WRAP53: variants seen among roughly 807,000 people sequenced by gnomAD.
The protein encoded by WRAP53 is WD repeat containing antisense to TP53.
Under a neutral mutation model 56.6 loss-of-function variants are expected in WRAP53, and 28 were observed. The ratio of observed to expected loss-of-function variants is 0.50; its 90% CI spans 0.37 to 0.68. WRAP53 has a LOEUF of 0.68. WRAP53 is among the 30% of genes least tolerant of loss of function. WRAP53 has a pLI of 0.00. For missense variants in WRAP53, 671 were observed against 715.5 expected (o/e 0.94, Z 0.71); for synonymous variants, 283 against 283.4 (o/e 1.00, Z 0.01).
At chr17:7,699,057 C>CT (rs2074223339) in intron 4 of WRAP53, among the ~76,000 whole-genome samples, 1 of 151,576 alleles carries the variant, frequency 6.6e-6, no homozygotes, top group African/African-American at 2.4e-5. Context: ...GACCCTGTCT[C>CT]TAAGAAAAGA....
chr17:7,694,513 G>C (rs1467679680), intron 4 of WRAP53, among the ~76,000 whole-genome samples: 2 of 152,100 alleles, frequency 1.3e-5, no homozygotes, highest in Non-Finnish European at 2.9e-5. Context: ...AAAGTGCTGG[G>C]ATTACAGGCG....
At position 7,700,664 on chromosome 17, in the gene WRAP53, C is replaced by T. The variant is rs2074261517; in HGVS notation, c.643-77C>T. 9.3e-6 allele frequency: 9 copies of T among 966,608 alleles called. No individual in the cohort carries two copies. In the Admixed American group the frequency reaches 1.4e-4, roughly 15 times the overall value. The allele number at this position is 966,608 out of a possible 1,614,324, so 59.9% of individuals were successfully genotyped here. On this transcript the variant is annotated intron_variant, in intron 4 of 10. Transcript: ENST00000396463. ...TGCTCCATATATACACCCCATCTGC[C>T]ACAACACTGCTAGAGGCACGCGCCT...
intron 4 of WRAP53, among the ~76,000 whole-genome samples, chr17:7,696,168 T>TG (rs1331487757): frequency 6.6e-6 from 1 of 151,556 alleles, no homozygotes; most frequent in Non-Finnish European, 1.5e-5. Context: ...GAGGAGTCGT[T>TG]GGGGGAGATG....
intron 10 of WRAP53, 36 bp downstream of exon 10, chr17:7,703,163 G>A (rs1231387363): frequency 1.2e-6 from 2 of 1,613,678 alleles, no homozygotes; most frequent in East Asian, 4.5e-5. Flanking sequence ...TGGGGCTTGG[G>A]TTGGGGAGGG....
intron 4 of WRAP53, among the ~76,000 whole-genome samples, chr17:7,691,641 C>T (rs1208196429): frequency 6.6e-6 from 1 of 151,978 alleles, no homozygotes; most frequent in Non-Finnish European, 1.5e-5. Context: ...CCGCCGGTCT[C>T]GGCCTCCCAA....
chr17:7,690,199 T>C (rs2074090526), intron 4 of WRAP53, among the ~76,000 whole-genome samples: 1 of 152,250 alleles, frequency 6.6e-6, no homozygotes, highest in African/African-American at 2.4e-5. Flanking sequence ...TCCGCCCACC[T>C]TGGCCTCCCA....
chr17:7,692,035 G>A (rs1200604500), intron 4 of WRAP53, among the ~76,000 whole-genome samples: 1 of 149,086 alleles, frequency 6.7e-6, no homozygotes, highest in African/African-American at 2.5e-5. Context: ...GAGATGGGGG[G>A]TTCATCATAT....
Position 7,701,595 on chromosome 17 carries a change from C to G in WRAP53, c.822+46C>G, listed in dbSNP as rs1469660999. 1 of 1,614,260 alleles carries G rather than the reference C, an allele frequency of 6.2e-7. No individual in the cohort carries two copies. The highest frequency in any genetic ancestry group is 1.7e-5 in the Admixed American group (1 of 60,032). On this transcript the variant is annotated intron_variant, in intron 6 of 10. Coordinates refer to ENST00000396463, the MANE Select transcript of WRAP53 (RefSeq NM_001143992.2). This position sits in a 1 kb window ranked among gnomAD's most constrained non-coding sequence, Gnocchi z 4.2. ...CCCCAGCACTCGTACTGGCCCGGCTCTCCTTCCTTGAGGGCAGCTGAGGCT... is the reference window on the plus strand; with the variant it reads ...CCCCAGCACTCGTACTGGCCCGGCTGTCCTTCCTTGAGGGCAGCTGAGGCT...
intron 4 of WRAP53, among the ~76,000 whole-genome samples, chr17:7,693,761 C>T (rs1361721444): frequency 4.6e-5 from 7 of 151,978 alleles, no homozygotes; most frequent in Admixed American, 3.3e-4. Context: ...AAAACAGCAC[C>T]TAGCATATAG....
chr17:7,692,868 C>T (rs1380926447), intron 4 of WRAP53, among the ~76,000 whole-genome samples: 2 of 150,036 alleles, frequency 1.3e-5, no homozygotes, highest in Admixed American at 6.7e-5. Context: ...TCTCCTGCCT[C>T]AGCCTCTCCC....
Position 7,689,069 on chromosome 17 carries a change from G to A in WRAP53, c.421G>A (p.Glu141Lys). The change falls in exon 2 of 11, where the codon GAG becomes AAG. Residue 141 changes from glutamate to lysine, a missense_variant. Glu to Lys is a moderately conservative substitution (Grantham distance 56). Coordinates refer to ENST00000396463, the MANE Select transcript of WRAP53 (RefSeq NM_001143992.2). Reference sequence around the variant, plus strand: ...CTCTGGGGAACCCGCTGCAGAGGACGAGGGAGACACGTAAGTGGTGATGGC... The same window carrying A: ...CTCTGGGGAACCCGCTGCAGAGGACAAGGGAGACACGTAAGTGGTGATGGC... ...DTSGEPAAEDEGDTAWNYSFS... is the reference protein window; with the variant it reads ...DTSGEPAAEDKGDTAWNYSFS... 1.9e-6 allele frequency: 3 copies of A among 1,614,148 alleles called. No individual in the cohort carries two copies. Among genetic ancestry groups the A allele is most frequent in the Non-Finnish European group, 2.5e-6 (3 of 1,180,004 alleles).
At position 7,701,153 on chromosome 17, in the gene WRAP53, A is replaced by G. The variant is rs60815182; in HGVS notation, c.732-306A>G. Among the ~76,000 whole-genome samples the G allele has an allele frequency of 0.28, 43,052 of 151,884 alleles. 7,507 individuals are homozygous for G. The highest frequency in any genetic ancestry group is 0.49 in the African/African-American group (20,171 of 41,406). ...ACACCCAGCTAATTGTGTATTTTTC[A>G]TAGAGATGGGGTTTCACCACGTTGG... On this transcript the variant is annotated intron_variant, in intron 5 of 10. Transcript: ENST00000396463. This position sits in a 1 kb window ranked among gnomAD's most constrained non-coding sequence, Gnocchi z 4.2.
intron 4 of WRAP53, among the ~76,000 whole-genome samples, chr17:7,699,615 G>T (rs1597418172): frequency 1.4e-5 from 2 of 141,844 alleles, no homozygotes; most frequent in South Asian, 4.4e-4. Flanking sequence ...TAGGAAAGGG[G>T]TTTAAACATA....
chr17:7,702,392 C>A lies in WRAP53; in HGVS notation c.1004C>A (p.Pro335Gln). ...ATCATCTCCTGCATAGCCTTCAGCC[C>A]AGCCCAGCCCCTCTATGCCTGTGGC... ...SGIISCIAFS[P>Q]AQPLYACGSY... The change falls in exon 8 of 11, where the codon CCA (proline) becomes CAA (glutamine). Residue 335 changes from proline to glutamine, a missense_variant. By Grantham distance (76) the Pro-to-Gln change is moderately conservative. Around this residue, in one of 3 missense-constraint regions of WRAP53, gnomAD observed 158 missense variants for 215.7 expected, o/e 0.73. Coordinates refer to ENST00000396463, the MANE Select transcript of WRAP53 (RefSeq NM_001143992.2). The surrounding 1 kb of genome is among the most constrained non-coding windows in gnomAD (Gnocchi z 5.0). 1.2e-6 allele frequency: 2 copies of A among 1,614,182 alleles called. No individual in the cohort carries two copies. Among genetic ancestry groups the A allele is most frequent in the Non-Finnish European group, 8.5e-7 (1 of 1,180,024 alleles).
chr17:7,686,422 C>G (rs1183323939), upstream of WRAP53: 1 of 152,224 alleles, frequency 6.6e-6, no homozygotes, highest in Non-Finnish European at 1.5e-5. Context: ...GCCTAGGTTG[C>G]AGGCGACCCG....
At chr17:7,686,498 C>T (rs1442835843), upstream of WRAP53, 1 of 152,170 alleles carries the variant, frequency 6.6e-6, no homozygotes, top group African/African-American at 2.4e-5. Flanking sequence ...AATACCCCTG[C>T]CTTTGCAAAG....
Position 7,689,073 on chromosome 17 carries a change from G to C in WRAP53, c.425G>C (p.Gly142Ala). The C allele has an allele frequency of 1.2e-6, 2 of 1,614,128 alleles. No homozygotes were observed. Residue 142 changes from glycine (G) to alanine (A), a missense_variant, in exon 2 of 11, where the codon GGA (glycine) becomes GCA (alanine). By Grantham distance (60) the Gly-to-Ala change is moderately conservative. Around this residue, in one of 3 missense-constraint regions of WRAP53, gnomAD observed 406 missense variants for 418.5 expected, o/e 0.97. Transcript: ENST00000396463. ...GGGGAACCCGCTGCAGAGGACGAGG[G>C]AGACACGTAAGTGGTGATGGCAGTG... ...TSGEPAAEDE[G>A]DTAWNYSFSQ...
chr17:7,695,519 C>G (rs1264128071), intron 4 of WRAP53, among the ~76,000 whole-genome samples: 1 of 152,112 alleles, frequency 6.6e-6, no homozygotes, highest in Non-Finnish European at 1.5e-5. Flanking sequence ...ATCCTCTGTA[C>G]CCTTTATCTC....
At chr17:7,699,502 T>A (rs868516251) in intron 4 of WRAP53, among the ~76,000 whole-genome samples, 1,237 of 11,186 alleles carry the variant, frequency 0.11, 83 homozygotes, top group Non-Finnish European at 0.13. Context: ...ATATATATAT[T>A]TATATATATA....
Sources: allele counts gnomAD v4.1 joint callset (sites outside exome capture counted in the v4.1 genomes callset), GRCh38; gene constraint gnomAD v4.1.1; regional missense constraint gnomAD v4.1.1; non-coding constraint Gnocchi (gnomAD v3.1); transcripts MANE v1.5; gene names NCBI Gene and HGNC (gene_info 2026-07-23, HGNC 2026-07-21).